The following MAP4K4 variants were observed in gnomAD, a reference collection of about 807,000 sequenced individuals.
MAP4K4 encodes HPK/GCK-like kinase HGK.
MAP4K4 carries 38 observed loss-of-function variants against 189.6 expected under a neutral mutation model. The observed-to-expected ratio is 0.20, with a 90% confidence interval of 0.15 to 0.26. The LOEUF (loss-of-function observed/expected upper bound fraction) is 0.26, where lower values mean the gene tolerates loss of function less well. MAP4K4 is among the 10% of genes least tolerant of loss of function. The pLI is 1.00. For synonymous variants in MAP4K4, 610 were observed against 624.3 expected (o/e 0.98, Z 0.34); for missense variants, 1,054 against 1,726.9 (o/e 0.61, Z 6.91).
chr2:101,863,813 C>T lies in MAP4K4; in HGVS notation c.1867-8C>T, dbSNP rs1433185254. The T allele has an allele frequency of 7.3e-7, 1 of 1,364,992 alleles. No individual in the cohort carries two copies. Among genetic ancestry groups the T allele is most frequent in the South Asian group, 1.1e-5 (1 of 88,006 alleles). 84.6% of individuals were successfully genotyped at this position (1,364,992 alleles called of 1,614,324 possible). A position where few individuals can be genotyped will look rare whatever the true frequency, so the allele number is the denominator to read the frequency against. On this transcript the variant is annotated splice_region_variant and splice_polypyrimidine_tract_variant and intron_variant, in intron 16 of 32. Transcript: ENST00000324219. ...CATTGAATGTTTTGTGTTTTGTTTT[C>T]TTGTAAGGTACAGTGGTCCCACCTG...
At chr2:101,753,819 C>CA (rs1347578488) in intron 2 of MAP4K4, among the ~76,000 whole-genome samples, 1 of 152,024 alleles carries the variant, frequency 6.6e-6, no homozygotes, top group Non-Finnish European at 1.5e-5. Flanking sequence ...GAAAGTACCT[C>CA]AGTCTTTGGT....
intron 27 of MAP4K4, among the ~76,000 whole-genome samples, chr2:101,879,639 C>T (rs1008818703): frequency 3.3e-5 from 5 of 152,208 alleles, no homozygotes; most frequent in African/African-American, 1.2e-4. Context: ...CATGCAGAAT[C>T]CATCCAGATA....
intron 2 of MAP4K4, among the ~76,000 whole-genome samples, chr2:101,698,946 T>C (rs2036445045): frequency 1.3e-5 from 2 of 152,120 alleles, no homozygotes; most frequent in Non-Finnish European, 2.9e-5. Context: ...ATCGTGAAAA[T>C]TGTCATCATG....
At chr2:101,887,159 G>C in exon 30 of MAP4K4, 2 of 1,610,656 alleles carry the variant, frequency 1.2e-6, no homozygotes, top group Non-Finnish European at 1.7e-6. Flanking sequence ...GGTTGAAAGT[G>C]ATCTATGGAT....
chr2:101,750,092 G>C (rs910277540), intron 2 of MAP4K4, among the ~76,000 whole-genome samples: 8 of 149,884 alleles, frequency 5.3e-5, no homozygotes, highest in Non-Finnish European at 1.0e-4. Flanking sequence ...CATTGTGGAA[G>C]TCAGTGTGGC....
chr2:101,828,288 TAATAGA>T (rs1230368556), intron 5 of MAP4K4, among the ~76,000 whole-genome samples: 2 of 152,178 alleles, frequency 1.3e-5, no homozygotes, highest in African/African-American at 4.8e-5. Context: ...TGAACTGAAA[TAATAGA>T]AATAGGAATT....
At chr2:101,778,373 G>A (rs772600499) in intron 2 of MAP4K4, among the ~76,000 whole-genome samples, 1 of 152,102 alleles carries the variant, frequency 6.6e-6, no homozygotes, top group Non-Finnish European at 1.5e-5. Flanking sequence ...TTGTGAAATC[G>A]CTTTTGTATC....
At chr2:101,817,293 C>G (rs900441034) in intron 3 of MAP4K4, among the ~76,000 whole-genome samples, 16 of 152,192 alleles carry the variant, frequency 1.1e-4, no homozygotes, top group Admixed American at 7.8e-4. Context: ...AAATAGTGAT[C>G]TTATTTGCAT....
At chr2:101,863,940 T>C in exon 17 of MAP4K4, 1 of 1,367,738 alleles carries the variant, frequency 7.3e-7, no homozygotes. Context: ...AGGACCCATG[T>C]CCACCTTCCC....
In MAP4K4 at chr2:101,774,354, T is replaced by A. The variant is rs558692809; in HGVS notation, c.124-16366T>A. 4.6e-5 allele frequency among the ~76,000 whole-genome samples: 7 copies of A among 152,364 alleles called. No homozygotes were observed. In the South Asian group the frequency reaches 1.0e-3, roughly 23 times the overall value. On this transcript the variant is annotated intron_variant, in intron 2 of 32. Transcript: ENST00000324219. Reference sequence around the variant, plus strand: ...CATATACTTGTGTGCCATTTGTATGTCTTCTTTTGAGAAACGTCTGTTGAA... The same window carrying A: ...CATATACTTGTGTGCCATTTGTATGACTTCTTTTGAGAAACGTCTGTTGAA...
At chr2:101,719,606 A>G (rs1396597791) in intron 2 of MAP4K4, among the ~76,000 whole-genome samples, 1 of 152,224 alleles carries the variant, frequency 6.6e-6, no homozygotes, top group Non-Finnish European at 1.5e-5. Context: ...AAAGACTTTT[A>G]GGCAAGCTTT....
intron 17 of MAP4K4, 115 bp from the exon 18 acceptor site, chr2:101,864,815 T>C: frequency 2.9e-6 from 2 of 678,592 alleles, no homozygotes; most frequent in Non-Finnish European, 5.1e-6. Flanking sequence ...GTGGAGGTGA[T>C]AGGAAGGACT....
intron 3 of MAP4K4, among the ~76,000 whole-genome samples, chr2:101,800,612 C>T (rs538955452): frequency 6.6e-6 from 1 of 152,104 alleles, no homozygotes; most frequent in Non-Finnish European, 1.5e-5. Flanking sequence ...GAAAATATGA[C>T]TACTAATTGC....
intron 24 of MAP4K4, 44 bp from the exon 25 acceptor site, chr2:101,873,603 T>A (rs1288273077): frequency 9.7e-7 from 1 of 1,034,268 alleles, no homozygotes; most frequent in East Asian, 2.4e-5. Context: ...ATGTTCATTT[T>A]TAAAATGCCA....
rs2149825695 is a variant in MAP4K4 at position 101,744,957 on chromosome 2, T to C, written c.124-45763T>C. ...AAGAGTTCTAAGTGTTGAAGGTACTTTTGTCATCTATATGGGGTGGAAATT... is the reference window on the plus strand; with the variant it reads ...AAGAGTTCTAAGTGTTGAAGGTACTCTTGTCATCTATATGGGGTGGAAATT... On this transcript the variant is annotated intron_variant, in intron 2 of 32. Coordinates refer to ENST00000324219, the Ensembl canonical transcript of MAP4K4. Among the ~76,000 whole-genome samples the C allele has an allele frequency of 1.3e-5, 2 of 152,282 alleles. 1 individual carries two copies. Among genetic ancestry groups the C allele is most frequent in the African/African-American group, 4.8e-5 (2 of 41,570 alleles).
chr2:101,712,474 G>A (rs549821591), intron 2 of MAP4K4, among the ~76,000 whole-genome samples: 7 of 151,982 alleles, frequency 4.6e-5, no homozygotes, highest in African/African-American at 1.7e-4. Flanking sequence ...GATTATAGGC[G>A]TGAGCCACTG....
intron 3 of MAP4K4, among the ~76,000 whole-genome samples, chr2:101,794,643 A>G (rs2093462486): frequency 6.6e-6 from 1 of 152,246 alleles, no homozygotes; most frequent in Admixed American, 6.5e-5. Flanking sequence ...TCTACGTATC[A>G]TAAAATTTTA....
intron 32 of MAP4K4, among the ~76,000 whole-genome samples, chr2:101,889,992 T>G (rs2098542311): frequency 2.0e-5 from 3 of 152,298 alleles, no homozygotes; most frequent in African/African-American, 7.2e-5. Context: ...AGCTCAGACC[T>G]AATCCAGGAT....
At chr2:101,797,294 T>G (rs1218995479) in intron 3 of MAP4K4, 58 of 1,290,706 alleles carry the variant, frequency 4.5e-5, no homozygotes, top group Non-Finnish European at 5.8e-5. Context: ...TCGTACTGGC[T>G]TCTTCTGTTT....
Sources: allele counts gnomAD v4.1 joint callset (sites outside exome capture counted in the v4.1 genomes callset), GRCh38; gene constraint gnomAD v4.1.1; transcripts MANE v1.5; gene names NCBI Gene and HGNC (gene_info 2026-07-23, HGNC 2026-07-21).